The following SLC7A8 variants were observed in gnomAD, a reference collection of about 807,000 sequenced individuals.
SLC7A8 encodes solute carrier family 7 member 8, also known as large neutral amino acids transporter small subunit 2.
A neutral mutation model predicts 51.2 loss-of-function variants in SLC7A8; 30 were observed. The ratio of observed to expected loss-of-function variants is 0.59; its 90% confidence interval spans 0.44 to 0.80. The LOEUF (loss-of-function observed/expected upper bound fraction) is 0.80, where lower values mean the gene tolerates loss of function less well. Among genes scored for constraint, SLC7A8 ranks in the 30% least tolerant of loss-of-function variants. The pLI is 0.00. For missense variants in SLC7A8, 612 were observed against 674.4 expected (o/e 0.91, Z 1.03); for synonymous variants, 257 against 275.8 (o/e 0.93, Z 0.67).
At chr14:23,153,587 GA>G (rs1288763768) in intron 3 of SLC7A8, among the ~76,000 whole-genome samples, 6 of 152,352 alleles carry the variant, frequency 3.9e-5, no homozygotes, top group African/African-American at 1.4e-4. Context: ...AAAAGGGGAA[GA>G]CTTTCACAGT....
At chr14:23,175,718 G>A (rs2048996137) in intron 1 of SLC7A8, among the ~76,000 whole-genome samples, 1 of 152,132 alleles carries the variant, frequency 6.6e-6, no homozygotes, top group African/African-American at 2.4e-5. Context: ...TAGCTCTCTG[G>A]TTCCTGGAGT....
intron 3 of SLC7A8, among the ~76,000 whole-genome samples, chr14:23,145,138 T>C (rs1447484147): frequency 1.3e-5 from 2 of 150,320 alleles, no homozygotes; most frequent in African/African-American, 4.9e-5. Context: ...GCCAGAATGG[T>C]CTCGATCTCC....
At chr14:23,154,992 A>G (rs1368099651) in intron 3 of SLC7A8, among the ~76,000 whole-genome samples, 13 of 110,754 alleles carry the variant, frequency 1.2e-4, no homozygotes, top group East Asian at 2.7e-4. Flanking sequence ...AAAGCCACAC[A>G]ACAGACAAAA....
At chr14:23,150,122 C>A (rs2048833422) in intron 3 of SLC7A8, among the ~76,000 whole-genome samples, 1 of 152,108 alleles carries the variant, frequency 6.6e-6, no homozygotes, top group Non-Finnish European at 1.5e-5. Context: ...TCTTTAGTGC[C>A]TTTTGAAATA....
intron 1 of SLC7A8, among the ~76,000 whole-genome samples, chr14:23,179,069 A>G (rs181142970): frequency 6.6e-6 from 1 of 152,118 alleles, no homozygotes; most frequent in Admixed American, 6.6e-5. Context: ...AGGAAATAAC[A>G]GTTTAGTCAT....
chr14:23,149,320 T>G (rs1358660097), intron 3 of SLC7A8, among the ~76,000 whole-genome samples: 6 of 152,170 alleles, frequency 3.9e-5, no homozygotes, highest in African/African-American at 1.4e-4. Flanking sequence ...ACAATATCCC[T>G]CCTTCATCTA....
chr14:23,174,867 A>G (rs1197676486), intron 1 of SLC7A8, among the ~76,000 whole-genome samples: 1 of 152,186 alleles, frequency 6.6e-6, no homozygotes, highest in East Asian at 1.9e-4. Context: ...ATTGGAAAGA[A>G]ACAGTTTCTA....
In SLC7A8 at chr14:23,127,267, C is replaced by T. The variant is rs1244068498; in HGVS notation, c.1518G>A (p.Glu506=). The part of the protein sequence containing the change: ...PEVERGSGTE[E]ANEDMEEQQQ... ...GCTGCTCCTCCATGTCCTCATTAGC[C>T]TCCTCTGTCCCTGAGCCCCGCTCCA... Residue 506 remains glutamate, a synonymous_variant, in exon 11 of 11, where the codon GAG becomes GAA. Coordinates refer to ENST00000316902, the MANE Select transcript of SLC7A8 (RefSeq NM_012244.4). 1.9e-6 allele frequency: 3 copies of T among 1,613,984 alleles called. No homozygotes were observed. The highest frequency in any genetic ancestry group is 3.3e-5 in the Admixed American group (2 of 60,004).
intron 3 of SLC7A8, among the ~76,000 whole-genome samples, chr14:23,151,924 C>T (rs922874676): frequency 1.1e-4 from 17 of 151,928 alleles, no homozygotes; most frequent in Non-Finnish European, 2.4e-4. Flanking sequence ...ATTAGCATGC[C>T]TGTAATGCCA....
At chr14:23,139,955 T>C (rs2048727345) in intron 5 of SLC7A8, among the ~76,000 whole-genome samples, 1 of 152,124 alleles carries the variant, frequency 6.6e-6, no homozygotes, top group Admixed American at 6.5e-5. Context: ...TGCAGTGAGC[T>C]ATGACTGCAC....
At chr14:23,150,912 C>A (rs1254456505) in intron 3 of SLC7A8, among the ~76,000 whole-genome samples, 1 of 152,234 alleles carries the variant, frequency 6.6e-6, no homozygotes, top group Non-Finnish European at 1.5e-5. Context: ...TTCAACCCAG[C>A]TGTCTGGAAG....
chr14:23,177,569 A>C (rs1172514317), intron 1 of SLC7A8, among the ~76,000 whole-genome samples: 1 of 152,228 alleles, frequency 6.6e-6, no homozygotes, highest in Non-Finnish European at 1.5e-5. Flanking sequence ...TTTCCTTTTA[A>C]TGCCTTCAAG....
intron 1 of SLC7A8, 28 bp from the exon 2 acceptor site, chr14:23,166,568 G>A (rs769824077): frequency 2.2e-5 from 36 of 1,612,262 alleles, no homozygotes; most frequent in Non-Finnish European, 2.8e-5. Context: ...GGTAAGGAGG[G>A]GAGACAGTAG....
chr14:23,128,340 A>G lies in SLC7A8; in HGVS notation c.1264-144T>C. 1.3e-6 allele frequency: 2 copies of G among 1,541,020 alleles called. No homozygotes were observed. The highest frequency in any genetic ancestry group is 1.7e-6 in the Non-Finnish European group (2 of 1,147,016). Reference sequence around the variant, plus strand: ...GGGCTTCCCTCGGCTCTGTGGTCCCACACTCACCCCTGGTAGGGCAGGGGC... The same window carrying G: ...GGGCTTCCCTCGGCTCTGTGGTCCCGCACTCACCCCTGGTAGGGCAGGGGC... On this transcript the variant is annotated intron_variant, in intron 9 of 10. Transcript: ENST00000316902. This position sits in a 1 kb window ranked among gnomAD's most constrained non-coding sequence, Gnocchi z 4.3.
chr14:23,180,813 C>T (rs936088501), intron 1 of SLC7A8, among the ~76,000 whole-genome samples: 4 of 152,150 alleles, frequency 2.6e-5, no homozygotes, highest in African/African-American at 9.7e-5. Flanking sequence ...ATACCTGAAC[C>T]TGGAGATCGA....
At chr14:23,140,936 G>A (rs2048739159) in intron 4 of SLC7A8, among the ~76,000 whole-genome samples, 1 of 152,220 alleles carries the variant, frequency 6.6e-6, no homozygotes, top group South Asian at 2.1e-4. Flanking sequence ...ATACAGGATT[G>A]GAGTCATTGG....
Position 23,165,341 on chromosome 14 carries a change from A to G in SLC7A8, c.452T>C (p.Phe151Ser). ...TFSNYVLQPL[F>S]PTCFPPESGL... ...AGACTCTGGGGGGAAGCAGGTGGGG[A>G]AGAGCGGCTGCAGCACGTAGTTGGA... Residue 151 changes from phenylalanine to serine, a missense_variant, in exon 3 of 11, where the codon TTC (phenylalanine) becomes TCC (serine). Coordinates refer to ENST00000316902, the MANE Select transcript of SLC7A8 (RefSeq NM_012244.4). This position sits in a 1 kb window ranked among gnomAD's most constrained non-coding sequence, Gnocchi z 4.2. 1 of 1,605,972 alleles carries G rather than the reference A, an allele frequency of 6.2e-7. No homozygotes were observed. The highest frequency in any genetic ancestry group is 1.7e-5 in the Admixed American group (1 of 58,224).
In SLC7A8 at chr14:23,128,229, T is replaced by G. The variant is rs1165682767; in HGVS notation, c.1264-33A>C. On this transcript the variant is annotated intron_variant, in intron 9 of 10. Coordinates refer to ENST00000316902, the MANE Select transcript of SLC7A8 (RefSeq NM_012244.4). The surrounding 1 kb of genome is among the most constrained non-coding windows in gnomAD (Gnocchi z 4.3). ...GCAGAGGCATGAGGCGTATGAACTG[T>G]GTAGGCCACGTGGCCCCCAGGACTA... is the stretch of plus-strand genomic sequence containing the variant. 2 of 1,612,436 alleles carry G rather than the reference T, an allele frequency of 1.2e-6. No individual in the cohort carries two copies. The highest frequency in any genetic ancestry group is 4.5e-5 in the East Asian group (2 of 44,862).
intron 7 of SLC7A8, among the ~76,000 whole-genome samples, chr14:23,135,360 G>A (rs1401063108): frequency 6.7e-6 from 1 of 150,216 alleles, no homozygotes; most frequent in Admixed American, 6.6e-5. Flanking sequence ...AAGTGCTGGG[G>A]ATTATAGGTG....
Sources: allele counts gnomAD v4.1 joint callset (sites outside exome capture counted in the v4.1 genomes callset), GRCh38; gene constraint gnomAD v4.1.1; non-coding constraint Gnocchi (gnomAD v3.1); transcripts MANE v1.5; gene names NCBI Gene and HGNC (gene_info 2026-07-23, HGNC 2026-07-21).